RBMS3: variants seen among roughly 807,000 people sequenced by gnomAD.
RBMS3 encodes RNA binding motif single stranded interacting protein 3, also known as RNA-binding motif, single-stranded-interacting protein 3.
Under a neutral mutation model 66.8 loss-of-function variants are expected in RBMS3, and 27 were observed. The ratio of observed to expected loss-of-function variants is 0.40; its 90% CI spans 0.30 to 0.56. The LOEUF (loss-of-function observed/expected upper bound fraction) is 0.56. RBMS3 is among the 20% of genes least tolerant of loss of function. The probability of loss-of-function intolerance (pLI) is 0.40; values close to 1 mark genes in which losing one functional copy is unlikely to be tolerated. For missense variants in RBMS3, 513 were observed against 549.5 expected (o/e 0.93, Z 0.66); for synonymous variants, 188 against 183.0 (o/e 1.03, Z -0.22).
intron 12 of RBMS3, among the ~76,000 whole-genome samples, chr3:29,980,178 A>G (rs753139395): frequency 6.6e-6 from 1 of 152,166 alleles, no homozygotes; most frequent in Non-Finnish European, 1.5e-5. Flanking sequence ...CATTTCTCTA[A>G]TGATCAGTGA....
intron 2 of RBMS3, among the ~76,000 whole-genome samples, chr3:29,475,785 G>T (rs1461973990): frequency 6.6e-6 from 1 of 152,132 alleles, no homozygotes; most frequent in Non-Finnish European, 1.5e-5. Context: ...CAGTGCTTTG[G>T]ATTGTGAGAG....
chr3:29,406,769 C>G (rs2040033970), intron 1 of RBMS3, among the ~76,000 whole-genome samples: 1 of 152,106 alleles, frequency 6.6e-6, no homozygotes, highest in Non-Finnish European at 1.5e-5. Context: ...TTTCATTAAA[C>G]TAATTTTTTA....
chr3:29,936,863 G>T (rs1451549542), intron 11 of RBMS3, among the ~76,000 whole-genome samples: 1 of 151,936 alleles, frequency 6.6e-6, no homozygotes, highest in Non-Finnish European at 1.5e-5. Flanking sequence ...AACTTTGTTT[G>T]ATTTTTTTAA....
intron 4 of RBMS3, among the ~76,000 whole-genome samples, chr3:29,737,985 A>G (rs2054457692): frequency 6.6e-6 from 1 of 152,134 alleles, no homozygotes; most frequent in Non-Finnish European, 1.5e-5. Flanking sequence ...GATTGATTAT[A>G]TTTTATTTTT....
chr3:29,631,634 CAT>C (rs1354449223), intron 4 of RBMS3, among the ~76,000 whole-genome samples: 1 of 151,878 alleles, frequency 6.6e-6, no homozygotes, highest in Non-Finnish European at 1.5e-5. Context: ...AATAATCACA[CAT>C]GTCCCCGTAT....
chr3:29,491,965 C>A (rs909016553), intron 3 of RBMS3, among the ~76,000 whole-genome samples: 5 of 151,244 alleles, frequency 3.3e-5, no homozygotes, highest in African/African-American at 1.2e-4. Flanking sequence ...TGCACTCCAG[C>A]CTGGGTGACA....
intron 12 of RBMS3, among the ~76,000 whole-genome samples, chr3:29,975,330 C>T (rs1697512399): frequency 6.6e-6 from 1 of 151,314 alleles, no homozygotes; most frequent in African/African-American, 2.4e-5. Context: ...AAATGTTCTG[C>T]TTAATTGACA....
At position 29,832,592 on chromosome 3, in the gene RBMS3, G is replaced by A. The variant is rs375955287; in HGVS notation, c.638-36266G>A. ...CCTCAGCCTGCAATTTTTCCCATAC[G>A]TAAAAACAAGCAAGTAGTTAGTAAG... On this transcript the variant is annotated intron_variant, in intron 6 of 14. Coordinates refer to ENST00000383767, the MANE Select transcript of RBMS3 (RefSeq NM_001003793.3). Among the ~76,000 whole-genome samples the A allele has an allele frequency of 7.9e-5, 12 of 152,220 alleles. No individual in the cohort carries two copies. The South Asian group carries it at 2.5e-3, about 32-fold the overall frequency.
At chr3:29,390,023 G>A (rs1253133957) in intron 1 of RBMS3, among the ~76,000 whole-genome samples, 1 of 152,094 alleles carries the variant, frequency 6.6e-6, no homozygotes, top group African/African-American at 2.4e-5. Context: ...GGATTGATAG[G>A]CAGTGCATGT....
At chr3:29,522,714 G>C (rs1434650505) in intron 3 of RBMS3, among the ~76,000 whole-genome samples, 1 of 152,148 alleles carries the variant, frequency 6.6e-6, no homozygotes, top group African/African-American at 2.4e-5. Context: ...CTTTTCTTCA[G>C]TCTTTTATTC....
chr3:29,399,337 A>G (rs1202591981), intron 1 of RBMS3, among the ~76,000 whole-genome samples: 1 of 152,176 alleles, frequency 6.6e-6, no homozygotes, highest in Admixed American at 6.6e-5. Flanking sequence ...GTGGATTTCA[A>G]AACTCCATTT....
chr3:29,666,292 C>T (rs536262552), intron 4 of RBMS3, among the ~76,000 whole-genome samples: 23 of 152,238 alleles, frequency 1.5e-4, no homozygotes, highest in Non-Finnish European at 2.9e-4. Flanking sequence ...CTTTACTTTT[C>T]AAATTGTCTG....
chr3:29,899,985 A>AGAGT (rs2060216161), intron 10 of RBMS3, among the ~76,000 whole-genome samples: 1 of 150,412 alleles, frequency 6.6e-6, no homozygotes, highest in Non-Finnish European at 1.5e-5. Flanking sequence ...AAAAAGCAAG[A>AGAGT]GAGTGAGAGA....
In RBMS3 at chr3:29,739,932, C is replaced by T. The variant is rs1419668273; in HGVS notation, c.557+55C>T. On this transcript the variant is annotated intron_variant, in intron 5 of 14. Transcript: ENST00000383767. ...CTTTCCTCATTGTTCCTTTTAAATT[C>T]CATTCCTTTTTTAGTACTAGAGCCC... The T allele has an allele frequency of 2.2e-6, 3 of 1,340,816 alleles. No individual in the cohort carries two copies. The East Asian group carries it at 7.8e-5, about 35-fold the overall frequency. 83.1% of individuals were successfully genotyped at this position (1,340,816 alleles called of 1,614,324 possible).
intron 7 of RBMS3, among the ~76,000 whole-genome samples, chr3:29,878,318 T>C (rs886689632): frequency 1.3e-5 from 2 of 152,126 alleles, no homozygotes; most frequent in Non-Finnish European, 2.9e-5. Context: ...TTTCTGATCA[T>C]TGATGATTTT....
intron 1 of RBMS3, among the ~76,000 whole-genome samples, chr3:29,383,852 G>C (rs2038881809): frequency 6.6e-6 from 1 of 152,110 alleles, no homozygotes; most frequent in African/African-American, 2.4e-5. Flanking sequence ...TAAAATGTGG[G>C]CAATACTATT....
chr3:29,675,770 A>G (rs1024873327), intron 4 of RBMS3, among the ~76,000 whole-genome samples: 6 of 152,220 alleles, frequency 3.9e-5, no homozygotes, highest in Non-Finnish European at 7.3e-5. Context: ...TTAAAAAGTC[A>G]GGAAACAATA....
chr3:29,739,950 T>G, intron 5 of RBMS3, 73 bp downstream of exon 5: 1 of 1,112,324 alleles, frequency 9.0e-7, no homozygotes, highest in Non-Finnish European at 1.2e-6. Flanking sequence ...TTTTTAGTAC[T>G]AGAGCCCAAA....
intron 1 of RBMS3, among the ~76,000 whole-genome samples, chr3:29,313,954 C>T (rs1402670793): frequency 6.6e-6 from 1 of 151,664 alleles, no homozygotes; most frequent in African/African-American, 2.4e-5. Context: ...TATCCTTTAA[C>T]AAATACACAG....
Sources: gnomAD v4.1 joint callset for allele counts (sites outside exome capture counted in the v4.1 genomes callset) on GRCh38, gnomAD v4.1.1 for gene constraint, MANE v1.5 for transcripts, NCBI Gene and HGNC (gene_info 2026-07-23, HGNC 2026-07-21) for gene names.